Variants in TACC2 observed in about 807,000 individuals in gnomAD.
The protein encoded by TACC2 is transforming acidic coiled-coil-containing protein 2.
A neutral mutation model predicts 227.3 loss-of-function variants in TACC2; 137 were observed. The observed-to-expected ratio is 0.60, with a 90% CI of 0.52 to 0.69. The LOEUF is 0.69. TACC2 is among the 30% of genes least tolerant of loss of function. The pLI, the probability that TACC2 is intolerant of heterozygous loss-of-function variation, is 0.00. For missense variants in TACC2, 3,470 were observed against 3,694.4 expected (o/e 0.94, Z 1.57); for synonymous variants, 1,523 against 1,487.5 (o/e 1.02, Z -0.55).
intron 9 of TACC2, chr10:122,213,442 T>G (rs1280784591): frequency 1.9e-6 from 3 of 1,551,068 alleles, no homozygotes; most frequent in Non-Finnish European, 2.7e-6. Flanking sequence ...CTTTTGTTTC[T>G]GCTTCCAAGC....
At chr10:122,169,997 C>T (rs1027251793) in intron 7 of TACC2, among the ~76,000 whole-genome samples, 7 of 152,118 alleles carry the variant, frequency 4.6e-5, no homozygotes, top group South Asian at 2.1e-4. Context: ...GTGATTCTCC[C>T]GCCTTGGCCT....
chr10:122,096,657 T>C (rs1341399997), intron 5 of TACC2, among the ~76,000 whole-genome samples: 3 of 149,862 alleles, frequency 2.0e-5, no homozygotes, highest in South Asian at 4.2e-4. Context: ...GATCGCGCCA[T>C]TGCACTCCAG....
intron 6 of TACC2, among the ~76,000 whole-genome samples, chr10:122,142,491 C>T (rs1468505186): frequency 1.3e-5 from 2 of 152,236 alleles, no homozygotes; most frequent in Admixed American, 1.3e-4. Flanking sequence ...GTGTGGGTGC[C>T]TATGGCAGCT....
In TACC2 at chr10:122,132,066, AAAAGAAAGAAAGAAAG is replaced by A. The variant is rs1179350569; in HGVS notation, c.5574-541_5574-526del. Among the ~76,000 whole-genome samples, 22 of 58,318 alleles carry A rather than the reference AAAAGAAAGAAAGAAAG, an allele frequency of 3.8e-4. No individual in the cohort carries two copies. In the East Asian group the frequency reaches 6.3e-3, roughly 17 times the overall value. The allele number at this position is 58,318 out of a possible 152,430, so 38.3% of individuals were successfully genotyped here. A position where few individuals can be genotyped will look rare whatever the true frequency, so the allele number is the denominator to read the frequency against. ...AAAGAAAGAAAGAAAGAAAGAAAGA[AAAAGAAAGAAAGAAAG>A]AGAAAGATCTACAAAGGTTTCTAAA... On this transcript the variant is annotated intron_variant, in intron 5 of 22. Transcript: ENST00000369005.
At position 122,165,385 on chromosome 10, in the gene TACC2, A is replaced by G. The variant is rs143906485; in HGVS notation, c.5834+21679A>G. ...CTAGTGAAGAGCTTAGGAAACAGAA[A>G]GGACAATGTGACTGTACGTTTGGGA... On this transcript the variant is annotated intron_variant, in intron 7 of 22. Coordinates refer to ENST00000369005, the MANE Select transcript of TACC2 (RefSeq NM_206862.4). Among the ~76,000 whole-genome samples the G allele has an allele frequency of 2.3e-3, 356 of 152,306 alleles. 1 individual carries two copies. The highest frequency in any genetic ancestry group is 4.2e-3 in the Non-Finnish European group (286 of 68,004).
At chr10:122,115,299 TGTGTGTGTGTGTGTGTGTGTGA>T (rs113078516) in intron 5 of TACC2, among the ~76,000 whole-genome samples, 113,125 of 151,362 alleles carry the variant, frequency 0.75, 44,603 homozygotes, top group East Asian at 0.93. Context: ...TGTGTGTGTG[TGTGTGTGTGTGTGTGTGTGTGA>T]GATACCTGAG....
At position 121,989,488 on chromosome 10, in the gene TACC2, GGTAA is replaced by G. The variant is rs1486276959; in HGVS notation, c.-46+6_-46+9del. ...TCCCTACTGGTAACAGCTGGAGTGC[GGTAA>G]GTAAGGAGGAGAGGGCTGGAAAATG... On this transcript the variant is annotated splice_donor_variant and splice_donor_region_variant and intron_variant, in intron 1 of 22. Transcript: ENST00000369005. LOFTEE classifies it low-confidence loss of function (5UTR_SPLICE). The G allele has an allele frequency of 6.6e-6, 1 of 152,176 alleles. No individual in the cohort carries two copies. Among genetic ancestry groups the G allele is most frequent in the Non-Finnish European group, 1.5e-5 (1 of 68,056 alleles). 9.4% of individuals were successfully genotyped at this position (152,176 alleles called of 1,614,324 possible).
At chr10:122,163,739 C>G (rs1355168122) in intron 7 of TACC2, 1 of 1,182,602 alleles carries the variant, frequency 8.5e-7, no homozygotes, top group African/African-American at 1.6e-5. Context: ...CCCCCCGGCC[C>G]CCGGCTCGGG....
chr10:122,092,581 T>C (rs1191232288), intron 5 of TACC2, among the ~76,000 whole-genome samples: 1 of 152,202 alleles, frequency 6.6e-6, no homozygotes, highest in African/African-American at 2.4e-5. Context: ...CTCATACACA[T>C]GTACATGAAG....
chr10:122,208,266 G>A (rs945193461), intron 8 of TACC2, among the ~76,000 whole-genome samples: 1 of 152,144 alleles, frequency 6.6e-6, no homozygotes, highest in Non-Finnish European at 1.5e-5. Context: ...CAATCCAAGC[G>A]TTTATTGATC....
At position 122,180,586 on chromosome 10, in the gene TACC2, C is replaced by T. The variant is rs1242607623; in HGVS notation, c.5835-14454C>T. 6.6e-6 allele frequency among the ~76,000 whole-genome samples: 1 copy of T among 152,192 alleles called. No homozygotes were observed. The highest frequency in any genetic ancestry group is 6.5e-5 in the Admixed American group (1 of 15,284). The stretch of plus-strand genomic sequence containing the variant: ...ATCTCCTGACCTTGTGATCCACCTG[C>T]CTCGGCGTCCCGAAGTGCTGGGATT... On this transcript the variant is annotated intron_variant, in intron 7 of 22. Transcript: ENST00000369005. The surrounding 1 kb of genome is among the most constrained non-coding windows in gnomAD (Gnocchi z 4.5).
intron 7 of TACC2, among the ~76,000 whole-genome samples, chr10:122,163,069 T>A (rs1393504067): frequency 6.6e-6 from 1 of 151,970 alleles, no homozygotes; most frequent in Non-Finnish European, 1.5e-5. Flanking sequence ...CCTTGGAGGC[T>A]AGCCCCGGGC....
chr10:122,142,604 G>A (rs905510456), intron 6 of TACC2, among the ~76,000 whole-genome samples: 5 of 152,196 alleles, frequency 3.3e-5, no homozygotes, highest in African/African-American at 1.2e-4. Flanking sequence ...CCTGCAATCT[G>A]GGAGCTCCCT....
chr10:122,123,739 A>G (rs1054029678), intron 5 of TACC2, among the ~76,000 whole-genome samples: 4 of 151,106 alleles, frequency 2.6e-5, no homozygotes, highest in African/African-American at 9.8e-5. Context: ...GGTGAGAACT[A>G]TGCCGGTGTT....
Position 122,086,271 on chromosome 10 carries a change from C to G in TACC2, c.3771C>G (p.Ser1257=). Residue 1257 remains serine (S), a synonymous_variant, in exon 4 of 23, where the codon TCC becomes TCG. Transcript: ENST00000369005. The part of the protein sequence containing the change: ...GAEDSGVKAV[S]SADPRAPGES... ...AAGACAGTGGAGTGAAAGCTGTTTC[C>G]TCTGCAGACCCCAGAGCTCCTGGCG... 2 of 1,614,028 alleles carry G rather than the reference C, an allele frequency of 1.2e-6. No homozygotes were observed. The highest frequency in any genetic ancestry group is 1.7e-6 in the Non-Finnish European group (2 of 1,180,042).
chr10:121,994,424 G>A (rs1460970498), intron 1 of TACC2, among the ~76,000 whole-genome samples: 2 of 152,230 alleles, frequency 1.3e-5, no homozygotes, highest in African/African-American at 4.8e-5. Flanking sequence ...AGCACAGAGA[G>A]CTGGAGGCTG....
chr10:122,231,561 A>G (rs2095749624), intron 16 of TACC2, among the ~76,000 whole-genome samples: 1 of 152,160 alleles, frequency 6.6e-6, no homozygotes, highest in Non-Finnish European at 1.5e-5. Context: ...CTGTTACCTG[A>G]TCAGGTGCTC....
At chr10:122,020,020 C>T (rs1424015001) in intron 1 of TACC2, 1 of 152,128 alleles carries the variant, frequency 6.6e-6, no homozygotes, top group East Asian at 1.9e-4. Flanking sequence ...TACACCTCAC[C>T]AGGAGTTTTG....
At chr10:122,235,869 G>A (rs1213857784) in intron 16 of TACC2, among the ~76,000 whole-genome samples, 2 of 152,090 alleles carry the variant, frequency 1.3e-5, no homozygotes, top group Admixed American at 1.3e-4. Flanking sequence ...CTGCTTGAAG[G>A]GGACTGTGTA....
Sources: gnomAD v4.1 joint callset for allele counts (sites outside exome capture counted in the v4.1 genomes callset) on GRCh38, gnomAD v4.1.1 for gene constraint, Gnocchi (gnomAD v3.1) non-coding constraint, MANE v1.5 for transcripts, NCBI Gene and HGNC (gene_info 2026-07-23, HGNC 2026-07-21) for gene names.